The following PIK3C2G variants were observed in gnomAD, a reference collection of about 807,000 sequenced individuals.
PIK3C2G encodes phosphatidylinositol 3-kinase C2 domain-containing subunit gamma.
PIK3C2G carries 168 observed loss-of-function variants against 181.1 expected under a neutral mutation model. The ratio of observed to expected loss-of-function variants is 0.93; its 90% CI spans 0.82 to 1.05. PIK3C2G has a LOEUF of 1.05. PIK3C2G is among the 50% of genes least tolerant of loss of function. The pLI is 0.00. For missense variants in PIK3C2G, 1,869 were observed against 1,732.8 expected (o/e 1.08, Z -1.40); for synonymous variants, 573 against 592.2 (o/e 0.97, Z 0.47).
chr12:18,688,290 G>A, the PIK3C2G span: 2 of 1,482,100 alleles, frequency 1.3e-6, no homozygotes. Flanking sequence ...TCAAAATTAA[G>A]TTATGTATTA....
At chr12:18,323,490 C>T (rs779429398) in intron 7 of PIK3C2G, among the ~76,000 whole-genome samples, 1 of 152,186 alleles carries the variant, frequency 6.6e-6, no homozygotes, top group Non-Finnish European at 1.5e-5. Flanking sequence ...TATGTTCTGA[C>T]CCTTCACCCC....
At chr12:18,294,270 G>A (rs1173344506) in intron 5 of PIK3C2G, among the ~76,000 whole-genome samples, 1 of 152,038 alleles carries the variant, frequency 6.6e-6, no homozygotes. Context: ...ATCTCAGTTT[G>A]CTTGGAGGTA....
At chr12:18,614,608 T>G (rs559810536) in intron 31 of PIK3C2G, among the ~76,000 whole-genome samples, 31 of 152,272 alleles carry the variant, frequency 2.0e-4, no homozygotes, top group African/African-American at 7.5e-4. Context: ...TTAATAAATG[T>G]TGGCTTTACC....
chr12:18,348,025 G>T (rs1478175766), intron 11 of PIK3C2G, among the ~76,000 whole-genome samples: 1 of 151,752 alleles, frequency 6.6e-6, no homozygotes, highest in African/African-American at 2.4e-5. Flanking sequence ...AAGGGCCGAT[G>T]TATAGTAAAA....
chr12:18,281,499 G>T (rs531342616), intron 1 of PIK3C2G, among the ~76,000 whole-genome samples: 10 of 151,732 alleles, frequency 6.6e-5, no homozygotes, highest in African/African-American at 1.4e-4. Flanking sequence ...AGTATAAAAG[G>T]CTCTGCAATT....
chr12:18,533,827 A>T (rs1943689068), intron 24 of PIK3C2G, among the ~76,000 whole-genome samples: 1 of 152,108 alleles, frequency 6.6e-6, no homozygotes. Flanking sequence ...CAAATGCTTA[A>T]TGATAATGAT....
rs185926585 is a variant in PIK3C2G at position 18,546,167 on chromosome 12, C to T, written c.3481-156C>T. Among the ~76,000 whole-genome samples, 704 of 152,048 alleles carry T rather than the reference C, an allele frequency of 4.6e-3. 4 individuals carry two copies. The highest frequency in any genetic ancestry group is 7.9e-3 in the Non-Finnish European group (536 of 67,916). Reference sequence around the variant, plus strand: ...ACTACTTAATAGAAGAGATTAAAAACGCACGAACTTATATGCATTCGTGTA... The same window carrying T: ...ACTACTTAATAGAAGAGATTAAAAATGCACGAACTTATATGCATTCGTGTA... On this transcript the variant is annotated intron_variant, in intron 25 of 32. Transcript: ENST00000538779.
At chr12:18,709,950 A>T in the PIK3C2G span, among the ~76,000 whole-genome samples, 67,783 of 151,258 alleles carry the variant, frequency 0.45, 17,450 homozygotes, top group South Asian at 0.62. Flanking sequence ...AATTTCTTTC[A>T]ATTAGGTCAC....
intron 9 of PIK3C2G, among the ~76,000 whole-genome samples, chr12:18,342,891 AAAACTATTTAGTG>A (rs1369164573): frequency 6.6e-6 from 1 of 152,118 alleles, no homozygotes; most frequent in Admixed American, 6.6e-5. Flanking sequence ...AAAAAGAAAG[AAAACTATTTAGTG>A]AATCTGTACT....
intron 18 of PIK3C2G, among the ~76,000 whole-genome samples, chr12:18,456,408 G>T (rs1947632570): frequency 6.6e-6 from 1 of 152,000 alleles, no homozygotes; most frequent in South Asian, 2.1e-4. Context: ...GAAAGAGAGG[G>T]GCTCCCAAGT....
At position 18,509,281 on chromosome 12, in the gene PIK3C2G, C is replaced by T. The variant is rs114445906; in HGVS notation, c.3323+3820C>T. 6.5e-3 allele frequency among the ~76,000 whole-genome samples: 993 copies of T among 152,308 alleles called. 10 individuals carry two copies. Among genetic ancestry groups the T allele is most frequent in the African/African-American group, 0.023 (966 of 41,568 alleles). ...CAGACTGGTCTCGAACTCCCGACCT[C>T]AGGCAATTCGCCCGCCTCGGCCTCT... On this transcript the variant is annotated intron_variant, in intron 24 of 32. Coordinates refer to ENST00000538779, the MANE Select transcript of PIK3C2G (RefSeq NM_001288772.2).
chr12:18,693,938 G>T, the PIK3C2G span: 1 of 1,522,796 alleles, frequency 6.6e-7, no homozygotes, highest in Admixed American at 1.7e-5. Context: ...CATGGCTAAA[G>T]ATGACCTCTC....
At chr12:18,312,445 C>T (rs559082144) in intron 5 of PIK3C2G, among the ~76,000 whole-genome samples, 2 of 152,194 alleles carry the variant, frequency 1.3e-5, no homozygotes, top group Non-Finnish European at 2.9e-5. Context: ...AGTCACCTCC[C>T]ATAGCAGGAA....
At chr12:18,348,152 G>A (rs1472396661) in intron 11 of PIK3C2G, among the ~76,000 whole-genome samples, 3 of 151,856 alleles carry the variant, frequency 2.0e-5, no homozygotes, top group African/African-American at 7.3e-5. Flanking sequence ...AAAGCTATAT[G>A]TATAGGGCAT....
chr12:18,573,484 T>G (rs964069241), intron 29 of PIK3C2G, among the ~76,000 whole-genome samples: 1 of 152,198 alleles, frequency 6.6e-6, no homozygotes. Context: ...CTCCCACTTG[T>G]GTGAGTAAAC....
chr12:18,516,127 ACTC>A (rs1301740632), intron 24 of PIK3C2G, among the ~76,000 whole-genome samples: 7 of 151,980 alleles, frequency 4.6e-5, no homozygotes, highest in South Asian at 2.1e-4. Context: ...AGAATAAACA[ACTC>A]CTTTTAGCAT....
chr12:18,457,045 T>C (rs2135918441), intron 18 of PIK3C2G, among the ~76,000 whole-genome samples: 2 of 152,142 alleles, frequency 1.3e-5, no homozygotes, highest in South Asian at 4.1e-4. Flanking sequence ...AGCATTGTAA[T>C]GTGAAATACA....
intron 30 of PIK3C2G, among the ~76,000 whole-genome samples, chr12:18,607,569 A>C (rs1184613119): frequency 6.6e-6 from 1 of 152,216 alleles, no homozygotes; most frequent in East Asian, 1.9e-4. Context: ...TTAAAGACTT[A>C]AATGTTAGAC....
intron 24 of PIK3C2G, among the ~76,000 whole-genome samples, chr12:18,511,601 C>T (rs567219392): frequency 4.4e-4 from 67 of 151,724 alleles, no homozygotes; most frequent in African/African-American, 1.5e-3. Flanking sequence ...TACTTATTGG[C>T]CATTTATATG....
Sources: allele counts gnomAD v4.1 joint callset (sites outside exome capture counted in the v4.1 genomes callset), GRCh38; gene constraint gnomAD v4.1.1; transcripts MANE v1.5; gene names NCBI Gene and HGNC (gene_info 2026-07-23, HGNC 2026-07-21).